ARID2: variants seen among roughly 807,000 people sequenced by gnomAD.
ARID2 encodes AT-rich interaction domain 2.
ARID2 carries 32 observed loss-of-function variants against 184.6 expected under a neutral mutation model. The observed-to-expected ratio is 0.17, with a 90% confidence interval of 0.13 to 0.23. ARID2 has a LOEUF of 0.23. Ranked by LOEUF, ARID2 falls within the 10% of genes least tolerant of loss-of-function variation. The pLI is 1.00. For missense variants in ARID2, 1,696 were observed against 2,197.6 expected (o/e 0.77, Z 4.56); for synonymous variants, 836 against 772.6 (o/e 1.08, Z -1.36).
At chr12:45,745,546 T>C (rs1399433086) in intron 3 of ARID2, among the ~76,000 whole-genome samples, 1 of 152,162 alleles carries the variant, frequency 6.6e-6, no homozygotes, top group African/African-American at 2.4e-5. Context: ...ACGGGGCCTT[T>C]ATTTATTATT....
chr12:45,795,658 G>C (rs893832970), intron 3 of ARID2, among the ~76,000 whole-genome samples: 3 of 151,910 alleles, frequency 2.0e-5, no homozygotes, highest in Admixed American at 1.3e-4. Context: ...GGATGGTCTC[G>C]ATCTCCTGAC....
At chr12:45,838,868 GTTTT>G (rs537586640) in intron 10 of ARID2, among the ~76,000 whole-genome samples, 1 of 135,612 alleles carries the variant, frequency 7.4e-6, no homozygotes, top group Non-Finnish European at 1.6e-5. Flanking sequence ...AAAATGTTTT[GTTTT>G]TTTTTTTTTT....
chr12:45,895,921 A>G (rs1462096135), intron 20 of ARID2, among the ~76,000 whole-genome samples: 1 of 152,246 alleles, frequency 6.6e-6, no homozygotes, highest in African/African-American at 2.4e-5. Flanking sequence ...GAAAACTACA[A>G]AATATTACTG....
intron 3 of ARID2, among the ~76,000 whole-genome samples, chr12:45,779,618 A>G (rs1484470398): frequency 2.0e-5 from 3 of 152,138 alleles, no homozygotes; most frequent in African/African-American, 7.2e-5. Flanking sequence ...ATTGATTAAT[A>G]GACTTTCACT....
At chr12:45,748,642 T>G (rs1189906237) in intron 3 of ARID2, among the ~76,000 whole-genome samples, 4 of 152,190 alleles carry the variant, frequency 2.6e-5, no homozygotes, top group African/African-American at 9.7e-5. Context: ...TGCTGTTTGG[T>G]AGCAAATTAC....
chr12:45,809,348 G>T (rs1265697016), intron 3 of ARID2, among the ~76,000 whole-genome samples: 2 of 152,100 alleles, frequency 1.3e-5, no homozygotes, highest in Non-Finnish European at 2.9e-5. Context: ...TAAATTTTGA[G>T]CACCTGTTTT....
rs139028974 is a variant in ARID2, at chr12:45,815,849, C to G, written c.419-1821C>G. Among the ~76,000 whole-genome samples, 20 of 152,160 alleles carry G rather than the reference C, an allele frequency of 1.3e-4. No homozygotes were observed. The East Asian group carries it at 3.9e-3, about 29-fold the overall frequency. ...CTAAATGTTAAATTTTTGGTAGAGA[C>G]AGCATCTCATTATATTGCACAGGCT... is the stretch of plus-strand genomic sequence containing the variant. On this transcript the variant is annotated intron_variant, in intron 4 of 20. Transcript: ENST00000334344.
intron 3 of ARID2, among the ~76,000 whole-genome samples, chr12:45,781,968 C>T (rs1942099102): frequency 6.6e-6 from 1 of 152,060 alleles, no homozygotes; most frequent in South Asian, 2.1e-4. Flanking sequence ...CAAGATAAAA[C>T]TTGCTGTTTC....
At chr12:45,834,395 A>G (rs1212636437) in intron 6 of ARID2, among the ~76,000 whole-genome samples, 1 of 151,806 alleles carries the variant, frequency 6.6e-6, no homozygotes, top group Non-Finnish European at 1.5e-5. Context: ...AAATGTTTTT[A>G]TGTCACTTTC....
At chr12:45,793,011 AT>A (rs1476248795) in intron 3 of ARID2, among the ~76,000 whole-genome samples, 1 of 152,002 alleles carries the variant, frequency 6.6e-6, no homozygotes, top group Non-Finnish European at 1.5e-5. Flanking sequence ...TTTAAGTCTT[AT>A]TTTGGGCCGG....
chr12:45,743,843 T>C (rs910534952), intron 3 of ARID2, among the ~76,000 whole-genome samples: 8 of 152,226 alleles, frequency 5.3e-5, no homozygotes, highest in African/African-American at 1.9e-4. Flanking sequence ...CTAAAGTTTA[T>C]TCTTAGGGAT....
chr12:45,838,742 G>A (rs1453666413), intron 10 of ARID2, among the ~76,000 whole-genome samples: 1 of 151,898 alleles, frequency 6.6e-6, no homozygotes, highest in South Asian at 2.1e-4. Context: ...TCCAGCCTGG[G>A]TGACAGAACA....
chr12:45,858,743 C>A (rs2138189823), intron 15 of ARID2, among the ~76,000 whole-genome samples: 1 of 152,332 alleles, frequency 6.6e-6, no homozygotes. Context: ...CCCAAGATCA[C>A]ATGGCTAGTA....
chr12:45,903,676 T>C (rs1200244674), intron 20 of ARID2, among the ~76,000 whole-genome samples: 1 of 152,210 alleles, frequency 6.6e-6, no homozygotes, highest in Non-Finnish European at 1.5e-5. Flanking sequence ...CTCCAGTCCC[T>C]ACATTAAATT....
chr12:45,733,093 T>C (rs1941033584), intron 3 of ARID2, among the ~76,000 whole-genome samples: 1 of 152,230 alleles, frequency 6.6e-6, no homozygotes, highest in South Asian at 2.1e-4. Flanking sequence ...TAGTTAAACT[T>C]GTTTTTCCTC....
At chr12:45,901,405 C>T (rs892439131) in intron 20 of ARID2, among the ~76,000 whole-genome samples, 2 of 151,642 alleles carry the variant, frequency 1.3e-5, no homozygotes, top group Admixed American at 6.6e-5. Flanking sequence ...CTCCTGACCT[C>T]GTGATCCGCC....
intron 6 of ARID2, among the ~76,000 whole-genome samples, chr12:45,832,437 A>G (rs1467638938): frequency 1.3e-5 from 2 of 152,028 alleles, no homozygotes; most frequent in African/African-American, 2.4e-5. Context: ...AGTTTTTCAC[A>G]ATCACTTCTT....
intron 4 of ARID2, among the ~76,000 whole-genome samples, chr12:45,816,579 T>C (rs1347416279): frequency 6.6e-6 from 1 of 152,198 alleles, no homozygotes; most frequent in African/African-American, 2.4e-5. Flanking sequence ...TAGGTATTTA[T>C]GCCAGAGAAA....
At chr12:45,904,272 G>A (rs1053700230) in intron 20 of ARID2, 5 of 693,108 alleles carry the variant, frequency 7.2e-6, no homozygotes, top group Admixed American at 2.2e-5. Context: ...TTAATTTCAT[G>A]TCATCCCTTA....
Sources: gnomAD v4.1 joint callset for allele counts (sites outside exome capture counted in the v4.1 genomes callset) on GRCh38, gnomAD v4.1.1 for gene constraint, MANE v1.5 for transcripts, NCBI Gene and HGNC (gene_info 2026-07-23, HGNC 2026-07-21) for gene names.